AGPS: variants seen among roughly 807,000 people sequenced by gnomAD.
AGPS encodes the protein alkyldihydroxyacetonephosphate synthase, peroxisomal.
In AGPS, 26 loss-of-function variants were observed where a neutral mutation model predicts 90.7. The ratio of observed to expected loss-of-function variants is 0.29; its 90% confidence interval spans 0.21 to 0.40. AGPS has a LOEUF of 0.40. AGPS is among the 10% of genes least tolerant of loss of function. The probability of loss-of-function intolerance (pLI) is 1.00; values close to 1 mark genes in which losing one functional copy is unlikely to be tolerated. For synonymous variants in AGPS, 294 were observed against 285.3 expected (o/e 1.03, Z -0.31); for missense variants, 540 against 816.1 (o/e 0.66, Z 4.12).
At chr2:177,460,847 T>C (rs985128671) in intron 8 of AGPS, among the ~76,000 whole-genome samples, 5 of 152,228 alleles carry the variant, frequency 3.3e-5, no homozygotes, top group African/African-American at 1.2e-4. Context: ...TTTTATTATA[T>C]AACAGTTGAT....
chr2:177,491,766 C>CA (rs1688268717), intron 11 of AGPS, among the ~76,000 whole-genome samples: 3 of 113,470 alleles, frequency 2.6e-5, no homozygotes, highest in Non-Finnish European at 5.4e-5. Context: ...TCCTTCCCCC[C>CA]CCCCCCCTTT....
At chr2:177,499,481 G>C in intron 13 of AGPS, 137 bp from the exon 14 acceptor site, 1 of 606,598 alleles carries the variant, frequency 1.6e-6, no homozygotes, top group South Asian at 2.1e-5. Flanking sequence ...TGATTGACAT[G>C]TAAAGTTCCA....
intron 8 of AGPS, 126 bp from the exon 9 acceptor site, chr2:177,461,767 T>TTCG: frequency 1.5e-6 from 1 of 665,622 alleles, no homozygotes. Context: ...TTTTTTTTGC[T>TTCG]ATGTAGGAAT....
intron 10 of AGPS, among the ~76,000 whole-genome samples, chr2:177,474,778 A>C (rs1456286158): frequency 6.6e-6 from 1 of 152,230 alleles, no homozygotes; most frequent in Non-Finnish European, 1.5e-5. Flanking sequence ...CCATTCATTG[A>C]ATATACCCTG....
chr2:177,493,850 A>G (rs892656460), intron 12 of AGPS, among the ~76,000 whole-genome samples: 3 of 152,242 alleles, frequency 2.0e-5, no homozygotes, highest in African/African-American at 7.2e-5. Flanking sequence ...AAACAGCTCA[A>G]GAAGCAAAGT....
intron 1 of AGPS, among the ~76,000 whole-genome samples, chr2:177,411,319 A>G (rs1292335449): frequency 6.6e-6 from 1 of 152,216 alleles, no homozygotes; most frequent in Non-Finnish European, 1.5e-5. Context: ...GTCTCTCCAG[A>G]AACGTGGTAG....
chr2:177,410,985 G>A (rs1261452455), intron 1 of AGPS, among the ~76,000 whole-genome samples: 1 of 152,148 alleles, frequency 6.6e-6, no homozygotes, highest in Non-Finnish European at 1.5e-5. Flanking sequence ...CGCACTGGAA[G>A]CAAGCCCTAT....
At chr2:177,433,572 C>T (rs982952995) in intron 2 of AGPS, among the ~76,000 whole-genome samples, 1 of 152,160 alleles carries the variant, frequency 6.6e-6, no homozygotes, top group Non-Finnish European at 1.5e-5. Context: ...ATGAGTCATA[C>T]TTTCCAGTTT....
intron 1 of AGPS, among the ~76,000 whole-genome samples, chr2:177,405,670 G>GTT (rs1170607740): frequency 0.014 from 846 of 60,904 alleles, 13 homozygotes; most frequent in African/African-American, 0.044. Context: ...GCACTATTCT[G>GTT]TTGTTTTTTT....
At chr2:177,453,269 C>CTT (rs540709031) in intron 8 of AGPS, among the ~76,000 whole-genome samples, 6 of 144,654 alleles carry the variant, frequency 4.1e-5, no homozygotes, top group Non-Finnish European at 9.1e-5. Context: ...CCTCTGGCTA[C>CTT]TTTTTTTTTT....
chr2:177,406,229 G>A (rs574694963), intron 1 of AGPS, among the ~76,000 whole-genome samples: 53 of 152,178 alleles, frequency 3.5e-4, no homozygotes, highest in Non-Finnish European at 6.5e-4. Flanking sequence ...TTTGTTTCCC[G>A]CCTTTAAATG....
intron 11 of AGPS, among the ~76,000 whole-genome samples, chr2:177,489,553 A>G (rs547630549): frequency 5.9e-5 from 9 of 152,208 alleles, no homozygotes; most frequent in East Asian, 1.9e-4. Flanking sequence ...ATTGCCAGCA[A>G]TTTGACTAAG....
At chr2:177,411,739 G>GTC (rs1166881103) in intron 1 of AGPS, among the ~76,000 whole-genome samples, 2 of 151,772 alleles carry the variant, frequency 1.3e-5, no homozygotes, top group East Asian at 1.9e-4. Context: ...ATTTTAATTT[G>GTC]TCTCTCTCTC....
intron 19 of AGPS, among the ~76,000 whole-genome samples, chr2:177,527,998 A>G (rs1054841403): frequency 1.6e-4 from 24 of 152,230 alleles, no homozygotes; most frequent in African/African-American, 5.3e-4. Flanking sequence ...TACTTTAGGT[A>G]TGCTGATAAA....
intron 2 of AGPS, among the ~76,000 whole-genome samples, chr2:177,429,323 C>CT (rs1461140121): frequency 4.6e-5 from 7 of 152,212 alleles, no homozygotes; most frequent in African/African-American, 1.4e-4. Flanking sequence ...TTTCAACCAT[C>CT]TCAGCCTTAG....
chr2:177,434,920 A>AT (rs1427086814), intron 3 of AGPS, among the ~76,000 whole-genome samples: 2 of 149,266 alleles, frequency 1.3e-5, no homozygotes, highest in African/African-American at 4.9e-5. Flanking sequence ...TGATTAAGAT[A>AT]TGAGTGATTG....
chr2:177,462,266 T>G (rs2105666794), intron 9 of AGPS, among the ~76,000 whole-genome samples: 1 of 151,118 alleles, frequency 6.6e-6, no homozygotes, highest in East Asian at 1.9e-4. Context: ...GGTGGCGGGC[T>G]CCTGTAGTCC....
At chr2:177,432,790 G>A (rs1469748063) in intron 2 of AGPS, among the ~76,000 whole-genome samples, 1 of 152,196 alleles carries the variant, frequency 6.6e-6, no homozygotes, top group Non-Finnish European at 1.5e-5. Flanking sequence ...AAGAAACATG[G>A]CATCAGGGTC....
intron 1 of AGPS, among the ~76,000 whole-genome samples, chr2:177,414,765 G>C (rs542170646): frequency 6.6e-6 from 1 of 152,012 alleles, no homozygotes; most frequent in Non-Finnish European, 1.5e-5. Flanking sequence ...GCTGAGCAGC[G>C]TATTTGCCTC....
Sources: gnomAD v4.1 joint callset for allele counts (sites outside exome capture counted in the v4.1 genomes callset) on GRCh38, gnomAD v4.1.1 for gene constraint, MANE v1.5 for transcripts, NCBI Gene and HGNC (gene_info 2026-07-23, HGNC 2026-07-21) for gene names.